The following FOCAD variants were observed in gnomAD, a reference collection of about 807,000 sequenced individuals.
FOCAD encodes the protein focadhesin, also known as KIAA1797.
A neutral mutation model predicts 225.6 loss-of-function variants in FOCAD; 198 were observed. That is an observed-to-expected ratio of 0.88 (90% confidence interval 0.78 to 0.99). The LOEUF (loss-of-function observed/expected upper bound fraction) is 0.99. Among genes scored for constraint, FOCAD ranks in the 50% least tolerant of loss-of-function variants. FOCAD has a pLI of 0.00. For missense variants in FOCAD, 2,713 were observed against 2,123.6 expected (o/e 1.28, Z -5.46); for synonymous variants, 897 against 755.0 (o/e 1.19, Z -3.08).
At chr9:20,947,297 G>A (rs1025646150) in intron 30 of FOCAD, among the ~76,000 whole-genome samples, 2 of 152,130 alleles carry the variant, frequency 1.3e-5, no homozygotes, top group African/African-American at 4.8e-5. Context: ...AATGTTTCCT[G>A]TGAAATATTA....
intron 21 of FOCAD, among the ~76,000 whole-genome samples, chr9:20,906,107 A>C (rs1832952844): frequency 1.3e-5 from 2 of 151,922 alleles, no homozygotes; most frequent in Non-Finnish European, 2.9e-5. Flanking sequence ...TCATCTTTCC[A>C]CAGTACCTTG....
intron 35 of FOCAD, among the ~76,000 whole-genome samples, chr9:20,972,931 A>C (rs1287929374): frequency 6.9e-6 from 1 of 145,004 alleles, no homozygotes; most frequent in South Asian, 2.2e-4. Flanking sequence ...TGATGTGGCC[A>C]CTGCTCCTTG....
At chr9:20,928,235 G>C (rs1248425256) in intron 26 of FOCAD, among the ~76,000 whole-genome samples, 1 of 151,998 alleles carries the variant, frequency 6.6e-6, no homozygotes, top group African/African-American at 2.4e-5. Flanking sequence ...TCTTACCTTT[G>C]TGAGGTTTTG....
chr9:20,656,450 T>C (rs2131242661), upstream of FOCAD, among the ~76,000 whole-genome samples: 1 of 152,334 alleles, frequency 6.6e-6, no homozygotes, highest in African/African-American at 2.4e-5. Context: ...GCTTTATGCA[T>C]CTTGGTGCTC....
chr9:20,729,046 A>G (rs578161668), intron 4 of FOCAD, among the ~76,000 whole-genome samples: 58 of 152,306 alleles, frequency 3.8e-4, no homozygotes, highest in African/African-American at 1.0e-3. Flanking sequence ...CCTGGCCACA[A>G]TTACAGATTT....
At chr9:20,816,335 A>G (rs1265470540) in intron 11 of FOCAD, among the ~76,000 whole-genome samples, 1 of 152,174 alleles carries the variant, frequency 6.6e-6, no homozygotes, top group African/African-American at 2.4e-5. Context: ...ATGCGTTGAG[A>G]TCACTGTAAG....
At chr9:20,924,718 A>C (rs1239588821) in intron 25 of FOCAD, among the ~76,000 whole-genome samples, 1 of 152,150 alleles carries the variant, frequency 6.6e-6, no homozygotes, top group African/African-American at 2.4e-5. Context: ...AAGGAACAGG[A>C]AGTATATGGA....
At chr9:20,728,457 G>A (rs540794200) in intron 4 of FOCAD, among the ~76,000 whole-genome samples, 3 of 152,298 alleles carry the variant, frequency 2.0e-5, no homozygotes, top group Non-Finnish European at 2.9e-5. Context: ...GGCTTCAGGT[G>A]TGGAATTTTC....
rs1204567187 is a variant in FOCAD at position 20,949,672 on chromosome 9, T to G, written c.3945T>G (p.Thr1315=). The change falls in exon 33 of 44, where the codon ACT becomes ACG. Residue 1315 remains threonine, a synonymous_variant. Coordinates refer to ENST00000338382, the MANE Select transcript of FOCAD (RefSeq NM_001375567.1). ...GRLNEVIRTL[T]QVISVSGVIG... ...TTAATGAAGTCATTAGAACCTTAACTCAGGTGAGAAAATGAATTTAAAATC... is the reference window on the plus strand; with the variant it reads ...TTAATGAAGTCATTAGAACCTTAACGCAGGTGAGAAAATGAATTTAAAATC... The G allele has an allele frequency of 6.2e-7, 1 of 1,611,600 alleles. No homozygotes were observed. Among genetic ancestry groups the G allele is most frequent in the Non-Finnish European group, 8.5e-7 (1 of 1,178,172 alleles).
At chr9:20,796,067 T>G (rs35099553) in intron 11 of FOCAD, among the ~76,000 whole-genome samples, 1,793 of 152,060 alleles carry the variant, frequency 0.012, 19 homozygotes, top group Non-Finnish European at 0.017. Context: ...ATGCGGTGTT[T>G]GGTTTTTTGT....
At chr9:20,915,435 C>T (rs1017339840) in intron 23 of FOCAD, among the ~76,000 whole-genome samples, 12 of 152,104 alleles carry the variant, frequency 7.9e-5, no homozygotes, top group African/African-American at 2.9e-4. Context: ...AGAAGGCATT[C>T]TAAGGAGCAA....
intron 39 of FOCAD, among the ~76,000 whole-genome samples, chr9:20,983,669 G>C (rs1471375664): frequency 6.6e-6 from 1 of 152,164 alleles, no homozygotes; most frequent in African/African-American, 2.4e-5. Context: ...TAAGAGGATG[G>C]ACTCTGGAGC....
At chr9:20,843,832 T>G (rs1414707512) in intron 15 of FOCAD, among the ~76,000 whole-genome samples, 1 of 152,112 alleles carries the variant, frequency 6.6e-6, no homozygotes, top group Non-Finnish European at 1.5e-5. Context: ...AAATAAGGGA[T>G]TGAAGAATAG....
intron 1 of FOCAD, among the ~76,000 whole-genome samples, chr9:20,691,009 C>G (rs1406691957): frequency 6.6e-6 from 1 of 151,886 alleles, no homozygotes; most frequent in Non-Finnish European, 1.5e-5. Context: ...GTGGCGTGAC[C>G]TCGGCTCACT....
In FOCAD at chr9:20,693,873, G is replaced by A. The variant is rs144370096; in HGVS notation, c.-33+9580G>A. On this transcript the variant is annotated intron_variant, in intron 1 of 43. Coordinates refer to ENST00000338382, the MANE Select transcript of FOCAD (RefSeq NM_001375567.1). ...TTACAGGTGCGTGCTTCCACGCCTG[G>A]TTAATTTCTGTATTTTTAGTACAGA... is the stretch of plus-strand genomic sequence containing the variant. Among the ~76,000 whole-genome samples the A allele has an allele frequency of 1.1e-3, 168 of 152,270 alleles. 2 individuals carry two copies. In the East Asian group the frequency reaches 0.03, roughly 27 times the overall value.
At chr9:20,672,647 C>T (rs1005535201) in intron 2 of FOCAD, among the ~76,000 whole-genome samples, 2 of 152,160 alleles carry the variant, frequency 1.3e-5, no homozygotes, top group Non-Finnish European at 2.9e-5. Context: ...GACAGGGTCT[C>T]GCCACATTGG....
chr9:20,884,962 G>A (rs1161010132), intron 20 of FOCAD, 147 bp from the exon 21 acceptor site: 1 of 252,900 alleles, frequency 4.0e-6, no homozygotes, highest in Non-Finnish European at 6.8e-6. Flanking sequence ...AGGAGGCTGA[G>A]GCAGAAGAAT....
chr9:20,714,184 C>A (rs765016153), intron 1 of FOCAD, among the ~76,000 whole-genome samples: 1 of 152,008 alleles, frequency 6.6e-6, no homozygotes, highest in East Asian at 1.9e-4. Context: ...TACTTTAAAC[C>A]GGTTGAAAAT....
intron 11 of FOCAD, among the ~76,000 whole-genome samples, chr9:20,793,500 A>G (rs1387996509): frequency 1.3e-5 from 2 of 152,186 alleles, no homozygotes; most frequent in African/African-American, 4.8e-5. Context: ...TCTACAGATT[A>G]GAAATTACTG....
Sources: allele counts gnomAD v4.1 joint callset (sites outside exome capture counted in the v4.1 genomes callset), GRCh38; gene constraint gnomAD v4.1.1; transcripts MANE v1.5; gene names NCBI Gene and HGNC (gene_info 2026-07-23, HGNC 2026-07-21).